Variants in NAV2 observed in about 807,000 individuals in gnomAD.
NAV2 encodes neuron navigator 2, also known as helicase, APC down-regulated 1.
Under a neutral mutation model 223.2 loss-of-function variants are expected in NAV2, and 54 were observed. That is an observed-to-expected ratio of 0.24 (90% CI 0.19 to 0.30). NAV2 has a LOEUF of 0.30. NAV2 is among the 10% of genes least tolerant of loss of function. NAV2 has a pLI of 1.00. For missense variants in NAV2, 2,806 were observed against 3,147.5 expected (o/e 0.89, Z 2.60); for synonymous variants, 1,279 against 1,239.3 (o/e 1.03, Z -0.67).
intron 2 of NAV2, among the ~76,000 whole-genome samples, 181 bp downstream of exon 2, chr11:19,832,782 C>T (rs1370732191): frequency 1.3e-5 from 2 of 152,104 alleles, no homozygotes; most frequent in Non-Finnish European, 2.9e-5. Flanking sequence ...TTATGCTTTT[C>T]CTGTTAAGGT....
At chr11:19,523,617 CTCT>C (rs1047943220) in intron 1 of NAV2, among the ~76,000 whole-genome samples, 3 of 152,080 alleles carry the variant, frequency 2.0e-5, no homozygotes, top group African/African-American at 4.8e-5. Flanking sequence ...TTCCGAGCCA[CTCT>C]TCTTCTTTCT....
intron 1 of NAV2, among the ~76,000 whole-genome samples, chr11:19,704,753 C>T (rs2049607185): frequency 6.6e-6 from 1 of 152,156 alleles, no homozygotes. Flanking sequence ...TGGCTCACGC[C>T]TGTAATCCCA....
chr11:20,093,342 A>C, intron 29 of NAV2, 143 bp downstream of exon 29: 1 of 632,026 alleles, frequency 1.6e-6, no homozygotes, highest in South Asian at 1.9e-5. Context: ...AACTAACCAT[A>C]ATCCCTTGCA....
At chr11:19,629,533 T>C (rs1352069646) in intron 1 of NAV2, among the ~76,000 whole-genome samples, 2 of 137,304 alleles carry the variant, frequency 1.5e-5, no homozygotes, top group Admixed American at 1.4e-4. Context: ...TTTTTTTCTC[T>C]CTCTCTCTGA....
chr11:19,993,091 C>T lies in NAV2; in HGVS notation c.2768+8844C>T, dbSNP rs188672963. 2.6e-5 allele frequency among the ~76,000 whole-genome samples: 4 copies of T among 152,264 alleles called. No homozygotes were observed. The East Asian group carries it at 7.7e-4, about 29-fold the overall frequency. On this transcript the variant is annotated intron_variant, in intron 11 of 37. Transcript: ENST00000349880. ...GTCACCCAAAGCATAGGCCCCAATC[C>T]CAAGTCAGAATTTGACTATATCTGT...
chr11:19,364,738 C>T (rs1854164460), intron 1 of NAV2, among the ~76,000 whole-genome samples: 1 of 152,226 alleles, frequency 6.6e-6, no homozygotes, highest in Admixed American at 6.5e-5. Context: ...CACATTCACA[C>T]ATGAACATCC....
At chr11:20,019,684 G>T (rs2054323033) in intron 11 of NAV2, among the ~76,000 whole-genome samples, 1 of 152,044 alleles carries the variant, frequency 6.6e-6, no homozygotes. Flanking sequence ...GTGAGCCTAG[G>T]AGATTGAGAA....
intron 1 of NAV2, among the ~76,000 whole-genome samples, chr11:19,483,559 A>G (rs1298036368): frequency 6.6e-6 from 1 of 152,226 alleles, no homozygotes; most frequent in Non-Finnish European, 1.5e-5. Context: ...ATAAGAAAAG[A>G]AAAAAAGTGA....
intron 1 of NAV2, among the ~76,000 whole-genome samples, chr11:19,554,148 C>T (rs1353276924): frequency 1.3e-5 from 2 of 152,194 alleles, no homozygotes; most frequent in East Asian, 3.8e-4. Flanking sequence ...TTAGAGTCTT[C>T]TAAGGGCCTG....
At position 19,938,803 on chromosome 11, in the gene NAV2, A is replaced by T. The variant is rs187094102; in HGVS notation, c.2034-858A>T. On this transcript the variant is annotated intron_variant, in intron 7 of 37. Coordinates refer to ENST00000349880, the MANE Select transcript of NAV2 (RefSeq NM_145117.5). ...CTCAGTAGGAAGAACAAAGGAGGGAAGAACAGTTGGATGACTTGAGGTTTA... is the reference window on the plus strand; with the variant it reads ...CTCAGTAGGAAGAACAAAGGAGGGATGAACAGTTGGATGACTTGAGGTTTA... Among the ~76,000 whole-genome samples the T allele has an allele frequency of 6.6e-5, 10 of 152,354 alleles. No homozygotes were observed. The East Asian group carries it at 1.9e-3, about 29-fold the overall frequency.
chr11:19,365,686 T>C (rs1848253687), intron 1 of NAV2, among the ~76,000 whole-genome samples: 1 of 152,194 alleles, frequency 6.6e-6, no homozygotes, highest in African/African-American at 2.4e-5. Context: ...TTTTCTACCC[T>C]TCAGAGTCAT....
chr11:19,775,678 A>T (rs1358931203), intron 1 of NAV2, among the ~76,000 whole-genome samples: 1 of 152,184 alleles, frequency 6.6e-6, no homozygotes. Flanking sequence ...AGTGGAAGAG[A>T]GTGTGGGAAC....
intron 25 of NAV2, among the ~76,000 whole-genome samples, chr11:20,082,367 G>A (rs1430462275): frequency 1.3e-5 from 2 of 152,164 alleles, no homozygotes. Flanking sequence ...TGGAATTGTA[G>A]AGGACTCCCC....
chr11:19,810,057 A>G (rs976820703), intron 1 of NAV2, among the ~76,000 whole-genome samples: 6 of 152,242 alleles, frequency 3.9e-5, no homozygotes, highest in African/African-American at 1.4e-4. Flanking sequence ...AGAGCAGAAC[A>G]TCTACATACT....
At chr11:19,449,480 G>T (rs1851710392) in intron 1 of NAV2, among the ~76,000 whole-genome samples, 1 of 151,990 alleles carries the variant, frequency 6.6e-6, no homozygotes, top group South Asian at 2.1e-4. Context: ...CCACAGGGAG[G>T]GCTGCTGTGC....
chr11:19,351,802 TAAAAAAAAAAAAAAAAAAA>T (rs56030401), intron 1 of NAV2, among the ~76,000 whole-genome samples: 12 of 114,672 alleles, frequency 1.0e-4, no homozygotes, highest in African/African-American at 4.1e-4. Context: ...TTGTGTATGG[TAAAAAAAAAAAAAAAAAAA>T]AAAAAAAAAA....
intron 1 of NAV2, among the ~76,000 whole-genome samples, chr11:19,746,444 T>G (rs1430800784): frequency 6.6e-6 from 1 of 152,158 alleles, no homozygotes; most frequent in Non-Finnish European, 1.5e-5. Flanking sequence ...AAGTAGAGCA[T>G]GATTGGAAAT....
chr11:19,922,575 G>A (rs144658246), intron 6 of NAV2, among the ~76,000 whole-genome samples: 1 of 152,142 alleles, frequency 6.6e-6, no homozygotes, highest in South Asian at 2.1e-4. Context: ...CAGAGATACT[G>A]TGATTTTGTA....
chr11:20,091,138 C>T, intron 27 of NAV2, 120 bp downstream of exon 27: 1 of 1,015,074 alleles, frequency 9.9e-7, no homozygotes, highest in South Asian at 1.7e-5. Flanking sequence ...GCTTTCCCAG[C>T]CTTTATCTCT....
Sources: allele counts gnomAD v4.1 joint callset (sites outside exome capture counted in the v4.1 genomes callset), GRCh38; gene constraint gnomAD v4.1.1; transcripts MANE v1.5; gene names NCBI Gene and HGNC (gene_info 2026-07-23, HGNC 2026-07-21).